The following YWHAE variants were observed in gnomAD, a reference collection of about 807,000 sequenced individuals.
YWHAE encodes the protein tyrosine 3-monooxygenase/tryptophan 5-monooxygenase activation protein epsilon.
A neutral mutation model predicts 30.1 loss-of-function variants in YWHAE; 4 were observed. That is an observed-to-expected ratio of 0.13 (90% CI 0.07 to 0.30). YWHAE has a LOEUF of 0.30. Ranked by LOEUF, YWHAE falls within the 10% of genes least tolerant of loss-of-function variation. YWHAE has a pLI of 1.00. For missense variants in YWHAE, 121 were observed against 315.9 expected, an observed-to-expected ratio of 0.38 and a Z score of 4.68; for synonymous variants, 118 against 111.8, an observed-to-expected ratio of 1.06 and a Z score of -0.35.
intron 1 of YWHAE, among the ~76,000 whole-genome samples, chr17:1,386,061 CT>C (rs1356578669): frequency 1.3e-5 from 2 of 152,204 alleles, no homozygotes; most frequent in East Asian, 1.9e-4. Context: ...TGTGTTGTCA[CT>C]TTTCCTCAAG....
intron 1 of YWHAE, among the ~76,000 whole-genome samples, chr17:1,388,722 C>T (rs932617708): frequency 1.3e-5 from 2 of 151,800 alleles, no homozygotes; most frequent in African/African-American, 4.8e-5. Context: ...AAGAAACCCC[C>T]ATCAAAATTT....
At chr17:1,362,321 C>T (rs1263844183) in intron 2 of YWHAE, among the ~76,000 whole-genome samples, 1 of 152,180 alleles carries the variant, frequency 6.6e-6, no homozygotes, top group Non-Finnish European at 1.5e-5. Context: ...AAACTGAACA[C>T]TGATGCTTCT....
intron 1 of YWHAE, chr17:1,369,633 C>G (rs2072999426): frequency 6.6e-6 from 1 of 152,172 alleles, no homozygotes; most frequent in African/African-American, 2.4e-5. Context: ...TACCCGAACC[C>G]CAGCCCGGTC....
intron 1 of YWHAE, chr17:1,399,249 A>C (rs2073525188): frequency 6.6e-6 from 1 of 152,060 alleles, no homozygotes; most frequent in Non-Finnish European, 1.5e-5. Context: ...AGGAACTTCG[A>C]GATCTCCTGT....
At chr17:1,355,609 C>G (rs555116295) in intron 4 of YWHAE, among the ~76,000 whole-genome samples, 5 of 152,130 alleles carry the variant, frequency 3.3e-5, no homozygotes, top group South Asian at 2.1e-4. Context: ...AAAAGAAAAT[C>G]CACACTTACT....
chr17:1,382,193 C>G (rs796330527), intron 1 of YWHAE, among the ~76,000 whole-genome samples: 1 of 151,684 alleles, frequency 6.6e-6, no homozygotes, highest in South Asian at 2.1e-4. Flanking sequence ...GGACTTCAGG[C>G]GCCCACCACC....
At chr17:1,347,171 C>A (rs1252497289) in intron 5 of YWHAE, among the ~76,000 whole-genome samples, 51 of 125,402 alleles carry the variant, frequency 4.1e-4, no homozygotes, top group East Asian at 4.6e-4. Context: ...ACTAAAAATA[C>A]AAAAAAAAAA....
intron 4 of YWHAE, among the ~76,000 whole-genome samples, chr17:1,359,953 AG>A (rs1567962600): frequency 7.8e-5 from 2 of 25,488 alleles, no homozygotes; most frequent in Non-Finnish European, 1.4e-4. Flanking sequence ...AGGGGGGGAG[AG>A]AGGGGGAGAG....
At chr17:1,349,649 TG>T (rs1414645916) in intron 5 of YWHAE, among the ~76,000 whole-genome samples, 2 of 152,056 alleles carry the variant, frequency 1.3e-5, no homozygotes, top group East Asian at 3.9e-4. Flanking sequence ...AGTCTTGCTC[TG>T]TCGCCCAGGC....
chr17:1,394,141 C>T (rs1487947186), intron 1 of YWHAE, among the ~76,000 whole-genome samples: 1 of 152,136 alleles, frequency 6.6e-6, no homozygotes, highest in African/African-American at 2.4e-5. Flanking sequence ...TAAGTTCTGG[C>T]TTTACCATTT....
At chr17:1,351,237 C>T (rs761033265) in intron 5 of YWHAE, among the ~76,000 whole-genome samples, 49 of 151,772 alleles carry the variant, frequency 3.2e-4, no homozygotes, top group Admixed American at 2.6e-4. Flanking sequence ...GTGGCAGACA[C>T]CTGTAGTCCC....
rs6502174 is a variant in YWHAE, at chr17:1,357,818, C to A, written c.578+3274G>T. Among the ~76,000 whole-genome samples the A allele has an allele frequency of 1.5e-3, 220 of 151,332 alleles. 1 individual carries two copies. The highest frequency in any genetic ancestry group is 5.0e-3 in the African/African-American group (207 of 41,238). The stretch of plus-strand genomic sequence containing the variant: ...GGCGGGCGTCTGTAATCCCAGCTAC[C>A]TGGGAGGCTGAAGCAGGAGAATCGC... On this transcript the variant is annotated intron_variant, in intron 4 of 5. Coordinates refer to ENST00000264335, the MANE Select transcript of YWHAE (RefSeq NM_006761.5).
chr17:1,360,327 T>C (rs145531505), intron 4 of YWHAE, among the ~76,000 whole-genome samples: 537 of 152,276 alleles, frequency 3.5e-3, no homozygotes, highest in Middle Eastern at 0.01. Context: ...TTATCTACAT[T>C]ATCAAAAACT....
intron 1 of YWHAE, among the ~76,000 whole-genome samples, chr17:1,376,386 A>AAAAG (rs368744450): frequency 0.074 from 11,260 of 151,592 alleles, 492 homozygotes; most frequent in African/African-American, 0.1. Flanking sequence ...GAAAGAAAGA[A>AAAAG]AAAGAAAGAG....
intron 4 of YWHAE, among the ~76,000 whole-genome samples, chr17:1,354,964 G>GTTTTTTTTTT (rs56351171): frequency 1.3e-5 from 1 of 74,716 alleles, no homozygotes; most frequent in East Asian, 8.1e-4. Flanking sequence ...GCCCAGCCTA[G>GTTTTTTTTTT]TTTTTTTTTT....
intron 1 of YWHAE, among the ~76,000 whole-genome samples, chr17:1,376,251 C>A (rs2073119742): frequency 6.6e-6 from 1 of 152,096 alleles, no homozygotes; most frequent in Admixed American, 6.6e-5. Context: ...GTGACTCTAC[C>A]AGAGAAACAA....
chr17:1,367,014 A>G (rs891555288), intron 1 of YWHAE, among the ~76,000 whole-genome samples: 3 of 152,158 alleles, frequency 2.0e-5, no homozygotes, highest in African/African-American at 2.4e-5. Context: ...CCAGGAAAAT[A>G]TGTTTCAAAA....
intron 1 of YWHAE, among the ~76,000 whole-genome samples, chr17:1,396,367 T>C (rs2073471456): frequency 1.3e-5 from 2 of 151,586 alleles, no homozygotes; most frequent in South Asian, 4.1e-4. Context: ...GAGGTTGCAG[T>C]GGGCCGAGAT....
chr17:1,395,529 G>A (rs904996945), intron 1 of YWHAE, among the ~76,000 whole-genome samples: 4 of 151,944 alleles, frequency 2.6e-5, no homozygotes, highest in African/African-American at 7.3e-5. Flanking sequence ...GTCGTAGAAG[G>A]GATTTTTAAC....
Sources: gnomAD v4.1 joint callset for allele counts (sites outside exome capture counted in the v4.1 genomes callset) on GRCh38, gnomAD v4.1.1 for gene constraint, MANE v1.5 for transcripts, NCBI Gene and HGNC (gene_info 2026-07-23, HGNC 2026-07-21) for gene names.